LY86: variants seen among roughly 807,000 people sequenced by gnomAD.
LY86 encodes the protein MD-1, RP105-associated.
In LY86, 20 loss-of-function variants were observed where a neutral mutation model predicts 17.3. The observed-to-expected ratio is 1.15, with a 90% confidence interval of 0.81 to 1.68. The LOEUF (loss-of-function observed/expected upper bound fraction) is 1.68. LY86 is among the 40% of genes most tolerant of loss of function. The pLI is 0.00. For missense variants in LY86, 200 were observed against 191.9 expected, an observed-to-expected ratio of 1.04 and a Z score of -0.25; for synonymous variants, 74 against 70.6, an observed-to-expected ratio of 1.05 and a Z score of -0.24.
Position 6,641,979 on chromosome 6 carries a change from A to G in LY86, c.353-7646A>G, listed in dbSNP as rs140001207. On this transcript the variant is annotated intron_variant, in intron 3 of 4. Coordinates refer to ENST00000230568, the MANE Select transcript of LY86 (RefSeq NM_004271.4). ...CAGAATTGTCCTTCTCAGGGTCAGG[A>G]GGCTTCAGGAGTTCACATCCCTGCA... Among the ~76,000 whole-genome samples the G allele has an allele frequency of 3.3e-5, 5 of 152,336 alleles. No individual in the cohort carries two copies. The East Asian group carries it at 9.7e-4, about 29-fold the overall frequency.
At chr6:6,604,665 A>G (rs2113098103) in intron 1 of LY86, among the ~76,000 whole-genome samples, 1 of 152,386 alleles carries the variant, frequency 6.6e-6, no homozygotes, top group East Asian at 1.9e-4. Flanking sequence ...TTCAGCTTCA[A>G]TAAATGCAAT....
At chr6:6,653,173 T>A (rs1762212955) in intron 4 of LY86, among the ~76,000 whole-genome samples, 1 of 152,056 alleles carries the variant, frequency 6.6e-6, no homozygotes, top group African/African-American at 2.4e-5. Flanking sequence ...CCTGGTTCTC[T>A]TGAATACAAT....
chr6:6,638,079 G>A (rs576359120), intron 3 of LY86, among the ~76,000 whole-genome samples: 7 of 152,156 alleles, frequency 4.6e-5, no homozygotes, highest in African/African-American at 9.7e-5. Context: ...GCTAGGCCCC[G>A]CTTCCTCAGC....
intron 1 of LY86, among the ~76,000 whole-genome samples, chr6:6,596,806 G>A (rs189940064): frequency 3.3e-5 from 5 of 152,256 alleles, no homozygotes; most frequent in South Asian, 2.1e-4. Context: ...TGGTGGGAAC[G>A]TTTTACAGCC....
intron 1 of LY86, among the ~76,000 whole-genome samples, chr6:6,595,887 G>A (rs369820243): frequency 2.0e-5 from 3 of 152,328 alleles, no homozygotes; most frequent in East Asian, 3.9e-4. Context: ...TCAGCAGTGT[G>A]TGGAGGGCTG....
At chr6:6,609,290 A>C in intron 1 of LY86, among the ~76,000 whole-genome samples, 1 of 152,198 alleles carries the variant, frequency 6.6e-6, no homozygotes, top group East Asian at 1.9e-4. Context: ...GCTTCATCTC[A>C]TTGACATAAG....
At chr6:6,606,432 G>A (rs757938788) in intron 1 of LY86, among the ~76,000 whole-genome samples, 16 of 152,210 alleles carry the variant, frequency 1.1e-4, no homozygotes, top group Non-Finnish European at 2.2e-4. Flanking sequence ...GCACCTGGGC[G>A]GCAGGTGGAG....
chr6:6,613,630 C>T (rs1003157048), intron 1 of LY86, among the ~76,000 whole-genome samples: 1 of 152,250 alleles, frequency 6.6e-6, no homozygotes, highest in Non-Finnish European at 1.5e-5. Flanking sequence ...GCGCTTCCCC[C>T]TTCATATCTC....
At chr6:6,589,226 T>C (rs887283376) in intron 1 of LY86, among the ~76,000 whole-genome samples, 1 of 152,226 alleles carries the variant, frequency 6.6e-6, no homozygotes. Context: ...CAGCTTCCAG[T>C]AGGCCCTTCC....
intron 1 of LY86, among the ~76,000 whole-genome samples, chr6:6,613,922 G>A (rs1376578735): frequency 2.6e-5 from 4 of 152,244 alleles, no homozygotes; most frequent in Admixed American, 6.5e-5. Flanking sequence ...GCTAGAGTGG[G>A]GAATTCAGAA....
In LY86 at chr6:6,649,637, A is replaced by G. The variant is rs144342238; in HGVS notation, c.365A>G (p.Tyr122Cys). 1.2e-5 allele frequency: 19 copies of G among 1,571,820 alleles called. No individual in the cohort carries two copies. The African/African-American group carries it at 2.2e-4, about 18-fold the overall frequency. Residue 122 changes from tyrosine (Y) to cysteine (C), a missense_variant, in exon 4 of 5, where the codon TAT becomes TGT. Physicochemically the swap from Tyr to Cys is radical, Grantham distance 194. Coordinates refer to ENST00000230568, the MANE Select transcript of LY86 (RefSeq NM_004271.4). ...CGRRKGEQIY[Y>C]AGPVNNPEFT... is the part of the protein sequence containing the mutation. Reference sequence around the variant, plus strand: ...TATATTTTTTCAGAGCAGATTTACTATGCTGGGCCTGTCAATAATCCTGAA... The same window carrying G: ...TATATTTTTTCAGAGCAGATTTACTGTGCTGGGCCTGTCAATAATCCTGAA...
At chr6:6,623,690 G>A in intron 1 of LY86, among the ~76,000 whole-genome samples, 1 of 152,208 alleles carries the variant, frequency 6.6e-6, no homozygotes, top group Non-Finnish European at 1.5e-5. Flanking sequence ...CTCTCTGCTA[G>A]GTGTTGGGGA....
rs560049168 is a variant in LY86, at chr6:6,621,865, G to A, written c.137-3061G>A. On this transcript the variant is annotated intron_variant, in intron 1 of 4. Transcript: ENST00000230568. Reference sequence around the variant, plus strand: ...AGTATCTAGTGGAGGAATGACAGAGGTATACAAACAAATATAATGTAATAT... The same window carrying A: ...AGTATCTAGTGGAGGAATGACAGAGATATACAAACAAATATAATGTAATAT... 6.6e-5 allele frequency among the ~76,000 whole-genome samples: 10 copies of A among 152,186 alleles called. No individual in the cohort carries two copies. The South Asian group carries it at 1.2e-3, about 19-fold the overall frequency.
At position 6,654,792 on chromosome 6, in the gene LY86, T is replaced by A. The variant is rs951683671; in HGVS notation, c.*165T>A. On this transcript the variant is annotated 3_prime_UTR_variant, in exon 5 of 5. Transcript: ENST00000230568. ...CTAATTTTAGTCCCAGGACCAGACA[T>A]CCCCAGACTCCACAGATGTAATGAA... 17 of 610,286 alleles carry A rather than the reference T, an allele frequency of 2.8e-5. No homozygotes were observed. In the East Asian group the frequency reaches 4.7e-4, roughly 17 times the overall value. 37.8% of individuals were successfully genotyped at this position (610,286 alleles called of 1,614,324 possible).
At chr6:6,599,006 A>G (rs890363920) in intron 1 of LY86, among the ~76,000 whole-genome samples, 1 of 152,198 alleles carries the variant, frequency 6.6e-6, no homozygotes, top group Non-Finnish European at 1.5e-5. Flanking sequence ...TGAGCTGATC[A>G]GTCCTTCTGT....
rs745538531 is a variant in LY86 at position 6,588,825 on chromosome 6, G to A, written c.91G>A (p.Val31Met). Residue 31 changes from valine (V) to methionine (M), a missense_variant, in exon 1 of 5, where the codon GTG (valine) becomes ATG (methionine). By Grantham distance (21) the Val-to-Met change is conservative. Coordinates refer to ENST00000230568, the MANE Select transcript of LY86 (RefSeq NM_004271.4). The stretch of plus-strand genomic sequence containing the variant: ...CGGTGGGAAAGCCTGGCCCACACAC[G>A]TGGTCTGTAGCGACAGCGGCTTGGA... ...GGGGKAWPTH[V>M]VCSDSGLEVL... 10 of 1,614,052 alleles carry A rather than the reference G, an allele frequency of 6.2e-6. No homozygotes were observed. Among genetic ancestry groups the A allele is most frequent in the African/African-American group, 2.7e-5 (2 of 74,946 alleles).
chr6:6,612,407 G>A (rs536861413), intron 1 of LY86, among the ~76,000 whole-genome samples: 3 of 152,280 alleles, frequency 2.0e-5, no homozygotes, highest in Non-Finnish European at 2.9e-5. Context: ...TGGGTACCTA[G>A]TCTCACTGGC....
intron 3 of LY86, among the ~76,000 whole-genome samples, chr6:6,629,311 G>C (rs1761862472): frequency 6.6e-6 from 1 of 152,180 alleles, no homozygotes; most frequent in African/African-American, 2.4e-5. Flanking sequence ...AAATCTTAAA[G>C]TCAGAGGCTT....
intron 3 of LY86, among the ~76,000 whole-genome samples, chr6:6,630,754 G>A (rs1761886241): frequency 6.6e-6 from 1 of 152,162 alleles, no homozygotes; most frequent in African/African-American, 2.4e-5. Context: ...AACTGCTCCT[G>A]TGCTTTCTGA....
Sources: gnomAD v4.1 joint callset for allele counts (sites outside exome capture counted in the v4.1 genomes callset) on GRCh38, gnomAD v4.1.1 for gene constraint, MANE v1.5 for transcripts, NCBI Gene and HGNC (gene_info 2026-07-23, HGNC 2026-07-21) for gene names.